Variants in RAVER1 observed in about 807,000 individuals in gnomAD.
RAVER1 encodes ribonucleoprotein, PTB binding 1, also known as ribonucleoprotein PTB-binding 1.
In RAVER1, 36 loss-of-function variants were observed where a neutral mutation model predicts 68.4. That is an observed-to-expected ratio of 0.53 (90% CI 0.40 to 0.70). The LOEUF (loss-of-function observed/expected upper bound fraction) is 0.70. Among genes scored for constraint, RAVER1 ranks in the 30% least tolerant of loss-of-function variants. The pLI is 0.00. For missense variants in RAVER1, 933 were observed against 1,019.8 expected, an observed-to-expected ratio of 0.91 and a Z score of 1.16; for synonymous variants, 469 against 472.7, an observed-to-expected ratio of 0.99 and a Z score of 0.10.
chr19:10,317,284 C>G lies in RAVER1; in HGVS notation c.*170G>C. On this transcript the variant is annotated 3_prime_UTR_variant, in exon 13 of 13. Coordinates refer to ENST00000617231, the MANE Select transcript of RAVER1 (RefSeq NM_133452.3). The surrounding 1 kb of genome is among the most constrained non-coding windows in gnomAD (Gnocchi z 4.3). ...AGACATAATGAGGCCTCCAGACTCC[C>G]CCACACCCCTTGGGCTCCTGGGGCT... The G allele has an allele frequency of 1.4e-6, 1 of 723,156 alleles. No homozygotes were observed. The highest frequency in any genetic ancestry group is 2.3e-6 in the Non-Finnish European group (1 of 426,056). The allele number at this position is 723,156 out of a possible 1,614,324, so 44.8% of individuals were successfully genotyped here. A position where few individuals can be genotyped will look rare whatever the true frequency, so the allele number is the denominator to read the frequency against.
chr19:10,328,808 G>A lies in RAVER1; in HGVS notation c.590C>T (p.Pro197Leu), dbSNP rs780110403. 7.4e-6 allele frequency: 12 copies of A among 1,612,594 alleles called. No homozygotes were observed. The highest frequency in any genetic ancestry group is 5.3e-5 in the African/African-American group (4 of 74,944). ...ARAKSDLLGKPLGPRTLYVHW... is the reference protein window; with the variant it reads ...ARAKSDLLGKLLGPRTLYVHW... The stretch of plus-strand genomic sequence containing the variant: ...CACGTAGAGGGTGCGTGGTCCCAGC[G>A]GCTTGCCCAGCAGGTCCGACTTGGC... Residue 197 changes from proline (P) to leucine (L), a missense_variant, in exon 3 of 13, where the codon CCG (proline) becomes CTG (leucine). Pro to Leu is a moderately conservative substitution (Grantham distance 98). Coordinates refer to ENST00000617231, the MANE Select transcript of RAVER1 (RefSeq NM_133452.3). This position sits in a 1 kb window ranked among gnomAD's most constrained non-coding sequence, Gnocchi z 4.4.
At chr19:10,332,626 C>T (rs919941495) in intron 1 of RAVER1, among the ~76,000 whole-genome samples, 1 of 152,200 alleles carries the variant, frequency 6.6e-6, no homozygotes, top group Non-Finnish European at 1.5e-5. Flanking sequence ...GTCCAAAGAG[C>T]ATTGGGAAGC....
chr19:10,321,114 C>T lies in RAVER1; in HGVS notation c.1407G>A (p.Val469=). ...CTCTGAGGCCAGAGCCTCGGAGCCCCACAGGGGCGGGGGGAGGAGTGAGCT... is the reference window on the plus strand; with the variant it reads ...CTCTGAGGCCAGAGCCTCGGAGCCCTACAGGGGCGGGGGGAGGAGTGAGCT... ...AAQLTPPPAP[V]GLRGSGLRGL... The change falls in exon 8 of 13, where the codon GTG becomes GTA. Residue 469 remains valine (V), a synonymous_variant. Coordinates refer to ENST00000617231, the MANE Select transcript of RAVER1 (RefSeq NM_133452.3). The T allele has an allele frequency of 4.6e-6, 6 of 1,316,866 alleles. No individual in the cohort carries two copies. The highest frequency in any genetic ancestry group is 5.8e-6 in the Non-Finnish European group (6 of 1,034,202). 81.6% of individuals were successfully genotyped at this position (1,316,866 alleles called of 1,614,324 possible).
At position 10,333,500 on chromosome 19, in the gene RAVER1, G is replaced by A; in HGVS notation, c.8C>T (p.Ala3Val). The A allele has an allele frequency of 1.9e-6, 3 of 1,598,338 alleles. No individual in the cohort carries two copies. Among genetic ancestry groups the A allele is most frequent in the Non-Finnish European group, 2.6e-6 (3 of 1,172,670 alleles). Residue 3 changes from alanine to valine, a missense_variant, in exon 1 of 13, where the codon GCG (alanine) becomes GTG (valine). Around this residue, in one of 3 missense-constraint regions of RAVER1, gnomAD observed 211 missense variants for 230.0 expected, o/e 0.92. Coordinates refer to ENST00000617231, the MANE Select transcript of RAVER1 (RefSeq NM_133452.3). The surrounding 1 kb of genome is among the most constrained non-coding windows in gnomAD (Gnocchi z 4.2). MA[A>V]DVSVTHRPPL... ...GGGCCGGTGAGTAACGGACACGTCCGCCGCCATCTTGGGAAACCCGGCGCC... is the reference window on the plus strand; with the variant it reads ...GGGCCGGTGAGTAACGGACACGTCCACCGCCATCTTGGGAAACCCGGCGCC...
At position 10,333,389 on chromosome 19, in the gene RAVER1, T is replaced by G; in HGVS notation, c.119A>C (p.Asp40Ala). ...CAGGCGTTTCCGGATCTCTTCTGGA[T>G]CTAGAGGCGGCAGCTCTTCTTCCGG... ...RAPEEELPPL[D>A]PEEIRKRLEH... is the part of the protein sequence containing the mutation. The change falls in exon 1 of 13, where the codon GAT becomes GCT. Residue 40 changes from aspartate to alanine, a missense_variant. Asp to Ala is a moderately radical substitution (Grantham distance 126). Around this residue, in one of 3 missense-constraint regions of RAVER1, gnomAD observed 211 missense variants for 230.0 expected, o/e 0.92. Transcript: ENST00000617231. This position sits in a 1 kb window ranked among gnomAD's most constrained non-coding sequence, Gnocchi z 4.2. The G allele has an allele frequency of 9.3e-6, 15 of 1,613,844 alleles. No homozygotes were observed. Among genetic ancestry groups the G allele is most frequent in the Non-Finnish European group, 1.3e-5 (15 of 1,179,794 alleles).
intron 3 of RAVER1, among the ~76,000 whole-genome samples, chr19:10,325,863 T>C (rs543862230): frequency 2.0e-5 from 3 of 151,960 alleles, no homozygotes; most frequent in Non-Finnish European, 4.4e-5. Flanking sequence ...CACAACAACC[T>C]GATCATGAAG....
Position 10,320,813 on chromosome 19 carries a change from G to C in RAVER1, c.1612C>G (p.Pro538Ala). The C allele has an allele frequency of 6.5e-7, 1 of 1,527,198 alleles. No individual in the cohort carries two copies. Among genetic ancestry groups the C allele is most frequent in the Non-Finnish European group, 8.7e-7 (1 of 1,144,988 alleles). The allele number at this position is 1,527,198 out of a possible 1,614,324, so 94.6% of individuals were successfully genotyped here. The stretch of plus-strand genomic sequence containing the variant: ...GGGTTAGTTGGGGGGCCCTCAGCTG[G>C]GCGGCGGCTTCTCCCGGCGCCTCCC... The part of the protein sequence containing the change: ...GWGGAGRSRR[P>A]AEGPPTNPPA... Residue 538 changes from proline to alanine, a missense_variant, in exon 9 of 13, where the codon CCA becomes GCA. Physicochemically the swap from Pro to Ala is conservative, Grantham distance 27. Coordinates refer to ENST00000617231, the MANE Select transcript of RAVER1 (RefSeq NM_133452.3).
chr19:10,320,590 A>C, intron 9 of RAVER1, 65 bp downstream of exon 9: 22 of 1,417,844 alleles, frequency 1.6e-5, no homozygotes, highest in Non-Finnish European at 2.1e-5. Context: ...AGTCAATCCT[A>C]GAGAAATATC....
chr19:10,329,020 C>T lies in RAVER1; in HGVS notation c.378G>A (p.Gln126=). 6.4e-7 allele frequency: 1 copy of T among 1,566,946 alleles called. No homozygotes were observed. Among genetic ancestry groups the T allele is most frequent in the Non-Finnish European group, 8.7e-7 (1 of 1,153,550 alleles). ...ACAGCAGGGCATCCGTGGGCTGCAGCTGCACCGACAGTTCACGCTCCCGCA... is the reference window on the plus strand; with the variant it reads ...ACAGCAGGGCATCCGTGGGCTGCAGTTGCACCGACAGTTCACGCTCCCGCA... The part of the protein sequence containing the change: ...SRLRERELSV[Q]LQPTDALLCV... Residue 126 remains glutamine, a synonymous_variant, in exon 3 of 13, where the codon CAG becomes CAA. Transcript: ENST00000617231. The surrounding 1 kb of genome is among the most constrained non-coding windows in gnomAD (Gnocchi z 4.6).
rs1247319426 is a variant in RAVER1 at position 10,329,944 on chromosome 19, G to C, written c.286+516C>G. 6.6e-6 allele frequency among the ~76,000 whole-genome samples: 1 copy of C among 152,000 alleles called. No individual in the cohort carries two copies. Among genetic ancestry groups the C allele is most frequent in the East Asian group, 1.9e-4 (1 of 5,172 alleles). On this transcript the variant is annotated intron_variant, in intron 2 of 12. Coordinates refer to ENST00000617231, the MANE Select transcript of RAVER1 (RefSeq NM_133452.3). This position sits in a 1 kb window ranked among gnomAD's most constrained non-coding sequence, Gnocchi z 4.6. ...TGGTTAACCTGGACCCACCCAGGTA[G>C]AAACCCTGTCTCTACTAAAAATACA... is the stretch of plus-strand genomic sequence containing the variant.
chr19:10,316,306 A>G lies in RAVER1; in HGVS notation c.*1148T>C. On this transcript the variant is annotated 3_prime_UTR_variant, in exon 13 of 13. Transcript: ENST00000617231. Reference sequence around the variant, plus strand: ...CGGGGGAATAGTCCCCTTGGAGTGGATGTGGACCCCCAGAGTCAAGGGAGG... The same window carrying G: ...CGGGGGAATAGTCCCCTTGGAGTGGGTGTGGACCCCCAGAGTCAAGGGAGG... 8.4e-7 allele frequency: 1 copy of G among 1,192,318 alleles called. No homozygotes were observed. Among genetic ancestry groups the G allele is most frequent in the East Asian group, 5.6e-5 (1 of 17,812 alleles). The allele number at this position is 1,192,318 out of a possible 1,614,324, so 73.9% of individuals were successfully genotyped here. A position where few individuals can be genotyped will look rare whatever the true frequency, so the allele number is the denominator to read the frequency against.
At position 10,323,281 on chromosome 19, in the gene RAVER1, G is replaced by A. The variant is rs1323906706; in HGVS notation, c.949-7C>T. 6.2e-7 allele frequency: 1 copy of A among 1,613,234 alleles called. No individual in the cohort carries two copies. Among genetic ancestry groups the A allele is most frequent in the African/African-American group, 1.3e-5 (1 of 74,884 alleles). ...CCTTCCCCCGATTGAGGGCCTGCAG[G>A]AAGGAACAGAAGCAGCTCAGAGTGC... is the stretch of plus-strand genomic sequence containing the variant. On this transcript the variant is annotated splice_polypyrimidine_tract_variant and splice_region_variant and intron_variant, in intron 4 of 12. Transcript: ENST00000617231. This position sits in a 1 kb window ranked among gnomAD's most constrained non-coding sequence, Gnocchi z 6.2.
intron 1 of RAVER1, 98 bp from the exon 2 acceptor site, chr19:10,330,624 A>G (rs2040508214): frequency 3.1e-6 from 2 of 643,206 alleles, no homozygotes; most frequent in South Asian, 1.7e-5. Context: ...AGGCAGGTCA[A>G]TTACCACCCC....
Position 10,317,909 on chromosome 19 carries a change from C to G in RAVER1, c.1990-136G>C, listed in dbSNP as rs2040405123. On this transcript the variant is annotated intron_variant, in intron 11 of 12. Transcript: ENST00000617231. This position sits in a 1 kb window ranked among gnomAD's most constrained non-coding sequence, Gnocchi z 4.3. The stretch of plus-strand genomic sequence containing the variant: ...GTTCAAATCTTGCTTCTGCTACTTT[C>G]TAGCTATAAGACCTAGGGCCAATTG... The G allele has an allele frequency of 2.9e-6, 2 of 681,990 alleles. No individual in the cohort carries two copies. The highest frequency in any genetic ancestry group is 3.7e-5 in the African/African-American group (2 of 54,662). The allele number at this position is 681,990 out of a possible 1,614,324, so 42.2% of individuals were successfully genotyped here.
chr19:10,322,685 G>A lies in RAVER1; in HGVS notation c.1133C>T (p.Thr378Met), dbSNP rs926687092. ...MPLLNGPALSTALLQLALQTQ... is the reference protein window; with the variant it reads ...MPLLNGPALSMALLQLALQTQ... ...CTGCAGGGCGAGCTGCAACAGCGCCGTGGACAGGGCTGGCCCATTGAGCAG... is the reference window on the plus strand; with the variant it reads ...CTGCAGGGCGAGCTGCAACAGCGCCATGGACAGGGCTGGCCCATTGAGCAG... Residue 378 changes from threonine to methionine, a missense_variant, in exon 6 of 13, where the codon ACG becomes ATG. Physicochemically the swap from Thr to Met is moderately conservative, Grantham distance 81. Around this residue, in one of 3 missense-constraint regions of RAVER1, gnomAD observed 699 missense variants for 731.1 expected, o/e 0.96. Coordinates refer to ENST00000617231, the MANE Select transcript of RAVER1 (RefSeq NM_133452.3). This position sits in a 1 kb window ranked among gnomAD's most constrained non-coding sequence, Gnocchi z 4.3. 7 of 1,544,036 alleles carry A rather than the reference G, an allele frequency of 4.5e-6. No homozygotes were observed. Among genetic ancestry groups the A allele is most frequent in the South Asian group, 1.3e-5 (1 of 78,938 alleles).
intron 9 of RAVER1, among the ~76,000 whole-genome samples, chr19:10,320,104 G>T (rs1043649182): frequency 6.6e-6 from 1 of 152,132 alleles, no homozygotes; most frequent in African/African-American, 2.4e-5. Context: ...AAAGACAGAC[G>T]CAGGATGACA....
Position 10,320,817 on chromosome 19 carries a change from GCGGCTTCTC to G in RAVER1, c.1599_1607del (p.Ser535_Arg537del). The G allele has an allele frequency of 6.5e-7, 1 of 1,526,814 alleles. No homozygotes were observed. Among genetic ancestry groups the G allele is most frequent in the Non-Finnish European group, 8.7e-7 (1 of 1,144,558 alleles). The allele number at this position is 1,526,814 out of a possible 1,614,324, so 94.6% of individuals were successfully genotyped here. On this transcript the variant is annotated inframe_deletion, in exon 9 of 13. Transcript: ENST00000617231. The stretch of plus-strand genomic sequence containing the variant: ...TAGTTGGGGGGCCCTCAGCTGGGCG[GCGGCTTCTC>G]CCGGCGCCTCCCCAGCCCCGGGCCT...
chr19:10,318,325 A>G lies in RAVER1; in HGVS notation c.1893T>C (p.Ser631=). 5.0e-6 allele frequency: 8 copies of G among 1,602,144 alleles called. No homozygotes were observed. The highest frequency in any genetic ancestry group is 6.8e-6 in the Non-Finnish European group (8 of 1,175,736). Residue 631 remains serine (S), a synonymous_variant, in exon 11 of 13, where the codon AGT becomes AGC. Transcript: ENST00000617231. The part of the protein sequence containing the change: ...SGFGERSSGG[S]GGGPLSHFYS... ...AGAAGTGAGACAGGGGGCCCCCGCC[A>G]CTCCCACCGCTGCTCCGTTCGCCGA...
In RAVER1 at chr19:10,333,220, G is replaced by A. The variant is rs1435813024; in HGVS notation, c.219+69C>T. 13 of 1,453,352 alleles carry A rather than the reference G, an allele frequency of 8.9e-6. No homozygotes were observed. Among genetic ancestry groups the A allele is most frequent in the Non-Finnish European group, 1.2e-5 (13 of 1,072,794 alleles). 90.0% of individuals were successfully genotyped at this position (1,453,352 alleles called of 1,614,324 possible). ...CCCCGCGCACCTCAGCGTTGGTGTCGCCCGGTTCCCCCCGCGCACGCGCAC... is the reference window on the plus strand; with the variant it reads ...CCCCGCGCACCTCAGCGTTGGTGTCACCCGGTTCCCCCCGCGCACGCGCAC... On this transcript the variant is annotated intron_variant, in intron 1 of 12. Transcript: ENST00000617231. The surrounding 1 kb of genome is among the most constrained non-coding windows in gnomAD (Gnocchi z 4.2).
Sources: allele counts gnomAD v4.1 joint callset (sites outside exome capture counted in the v4.1 genomes callset), GRCh38; gene constraint gnomAD v4.1.1; regional missense constraint gnomAD v4.1.1; non-coding constraint Gnocchi (gnomAD v3.1); transcripts MANE v1.5; gene names NCBI Gene and HGNC (gene_info 2026-07-23, HGNC 2026-07-21).